The following C4orf51 variants were observed in gnomAD, a reference collection of about 807,000 sequenced individuals.
The protein encoded by C4orf51 is uncharacterized protein C4orf51.
C4orf51 carries 25 observed loss-of-function variants against 25.2 expected under a neutral mutation model. The observed-to-expected ratio is 0.99, with a 90% confidence interval of 0.72 to 1.39. The LOEUF is 1.39. Ranked by LOEUF, C4orf51 falls within the 40% of genes most tolerant of loss-of-function variation. The pLI is 0.00. For missense variants in C4orf51, 252 were observed against 239.6 expected (o/e 1.05, Z -0.34); for synonymous variants, 100 against 84.5 (o/e 1.18, Z -1.01).
the C4orf51 span, chr4:145,776,039 G>A: frequency 6.5e-7 from 1 of 1,529,182 alleles, no homozygotes; most frequent in Non-Finnish European, 9.0e-7. Context: ...ATCAGTTAAA[G>A]GTATCAAGGA....
downstream of C4orf51, chr4:145,774,774 A>G: frequency 7.8e-7 from 1 of 1,289,928 alleles, no homozygotes; most frequent in Non-Finnish European, 1.1e-6. Flanking sequence ...GAAAACTGGA[A>G]TTTGAAACAC....
At position 145,729,495 on chromosome 4, in the gene C4orf51, G is replaced by A. The variant is rs568470758; in HGVS notation, c.427+266G>A. Among the ~76,000 whole-genome samples, 256 of 151,960 alleles carry A rather than the reference G, an allele frequency of 1.7e-3. 3 individuals are homozygous for A. In the Middle Eastern group the frequency reaches 0.031, roughly 18 times the overall value. ...TTTTTGTATTTTTAGTAGAGACGGG[G>A]TTTCACCGTGTTAGCCAGGATGGTC... On this transcript the variant is annotated intron_variant, in intron 4 of 5. Coordinates refer to ENST00000438731, the MANE Select transcript of C4orf51 (RefSeq NM_001080531.3).
chr4:145,762,436 A>G lies in C4orf51; in HGVS notation n.167-8552A>G, dbSNP rs1424148066. On this transcript the variant is annotated intron_variant and non_coding_transcript_variant, in intron 1 of 1. Coordinates refer to the C4orf51 transcript ENST00000510096. The surrounding 1 kb of genome is among the most constrained non-coding windows in gnomAD (Gnocchi z 4.9). ...TAATCCAACTGGATTGGAAATTCTCAGAGGGCAGGACCATATCTTACATTT... is the reference window on the plus strand; with the variant it reads ...TAATCCAACTGGATTGGAAATTCTCGGAGGGCAGGACCATATCTTACATTT... 6.6e-6 allele frequency among the ~76,000 whole-genome samples: 1 copy of G among 152,228 alleles called. No individual in the cohort carries two copies. Among genetic ancestry groups the G allele is most frequent in the Admixed American group, 6.5e-5 (1 of 15,292 alleles).
the C4orf51 span, among the ~76,000 whole-genome samples, chr4:145,778,481 G>A: frequency 5.3e-5 from 8 of 151,952 alleles, no homozygotes; most frequent in African/African-American, 9.7e-5. Context: ...TAGTGGCAGC[G>A]TGCACCTGTA....
chr4:145,749,558 AT>A (rs1203226851), intron 1 of C4orf51, among the ~76,000 whole-genome samples: 3 of 150,202 alleles, frequency 2.0e-5, no homozygotes, highest in African/African-American at 7.4e-5. Flanking sequence ...CTTACTTTTT[AT>A]TTTTTGTGTA....
intron 2 of C4orf51, among the ~76,000 whole-genome samples, chr4:145,714,287 G>A (rs1731284259): frequency 3.9e-5 from 6 of 152,130 alleles, no homozygotes; most frequent in Admixed American, 3.9e-4. Flanking sequence ...TACATATATA[G>A]TAAAGAGGTT....
intron 1 of C4orf51, among the ~76,000 whole-genome samples, chr4:145,694,791 C>A (rs1386383591): frequency 6.6e-6 from 1 of 151,922 alleles, no homozygotes; most frequent in Non-Finnish European, 1.5e-5. Flanking sequence ...TTACTGTAAT[C>A]TTTCTTATCC....
chr4:145,747,706 T>TTTCCTTCC (rs1268546164), intron 1 of C4orf51, among the ~76,000 whole-genome samples: 1 of 128,188 alleles, frequency 7.8e-6, no homozygotes, highest in Non-Finnish European at 1.7e-5. Flanking sequence ...TCCTTCCTTC[T>TTTCCTTCC]TTCCTTCCTT....
downstream of C4orf51, among the ~76,000 whole-genome samples, chr4:145,773,156 G>A (rs1257532599): frequency 6.6e-6 from 1 of 152,108 alleles, no homozygotes; most frequent in Non-Finnish European, 1.5e-5. Flanking sequence ...AAAAGAGTTT[G>A]GCCTTTTCCT....
At chr4:145,680,492 C>A in intron 1 of C4orf51, 56 bp downstream of exon 1, 1 of 1,313,474 alleles carries the variant, frequency 7.6e-7, no homozygotes, top group Non-Finnish European at 1.1e-6. Context: ...GACAAGAGTG[C>A]TCTTAGAAGA....
chr4:145,696,708 T>G, intron 2 of C4orf51, 76 bp downstream of exon 2: 1 of 1,091,406 alleles, frequency 9.2e-7, no homozygotes, highest in Non-Finnish European at 1.4e-6. Context: ...TTCTTTTTTT[T>G]TCTCTCACTT....
At position 145,766,024 on chromosome 4, in the gene C4orf51, AC is replaced by A. The variant is rs1178132428; in HGVS notation, n.167-4962del. Reference sequence around the variant, plus strand: ...ATAGCTAAGACATACTAAACATGTTACCACGTTCCAGGAACTGTATTATACT... The same window carrying A: ...ATAGCTAAGACATACTAAACATGTTACACGTTCCAGGAACTGTATTATACT... On this transcript the variant is annotated intron_variant and non_coding_transcript_variant, in intron 1 of 1. Transcript: ENST00000510096. Among the ~76,000 whole-genome samples the A allele has an allele frequency of 5.9e-5, 9 of 152,354 alleles. No homozygotes were observed. The South Asian group carries it at 1.7e-3, about 28-fold the overall frequency.
At chr4:145,753,549 C>T (rs886287731) in intron 1 of C4orf51, among the ~76,000 whole-genome samples, 8 of 152,154 alleles carry the variant, frequency 5.3e-5, no homozygotes, top group Non-Finnish European at 8.8e-5. Context: ...GTTATGAGTG[C>T]ACCTACTCCT....
In C4orf51 at chr4:145,709,161, G is replaced by A. The variant is rs558339283; in HGVS notation, c.307+12529G>A. Among the ~76,000 whole-genome samples, 90 of 152,284 alleles carry A rather than the reference G, an allele frequency of 5.9e-4. 1 individual carries two copies. The highest frequency in any genetic ancestry group is 9.7e-4 in the Non-Finnish European group (66 of 68,016). ...ACCTCCAGAGAACTTGGGGCTTGGA[G>A]TAAGAACTCACAAATGGCAAAGGAA... On this transcript the variant is annotated intron_variant, in intron 2 of 5. Transcript: ENST00000438731.
chr4:145,726,893 C>T lies in C4orf51; in HGVS notation c.308-18C>T, dbSNP rs761909280. The stretch of plus-strand genomic sequence containing the variant: ...ACTCTGCATTTAATCCTGATTTTCC[C>T]TCTTCATGTGCATGCAGGACTATTC... On this transcript the variant is annotated intron_variant, in intron 2 of 5. Transcript: ENST00000438731. 7 of 1,603,156 alleles carry T rather than the reference C, an allele frequency of 4.4e-6. No individual in the cohort carries two copies. The highest frequency in any genetic ancestry group is 6.0e-6 in the Non-Finnish European group (7 of 1,171,348).
chr4:145,694,424 G>A (rs1221998948), intron 1 of C4orf51, among the ~76,000 whole-genome samples: 177 of 125,124 alleles, frequency 1.4e-3, no homozygotes, highest in Non-Finnish European at 2.1e-3. Context: ...GGTGAGGGGC[G>A]CCTCTGCCCG....
chr4:145,749,758 C>G (rs371643370), intron 1 of C4orf51, among the ~76,000 whole-genome samples: 1 of 152,014 alleles, frequency 6.6e-6, no homozygotes, highest in Non-Finnish European at 1.5e-5. Context: ...CTCAGCCTCC[C>G]GAGTAGCTGG....
chr4:145,735,106 T>C (rs1373078613), downstream of C4orf51, among the ~76,000 whole-genome samples: 1 of 152,116 alleles, frequency 6.6e-6, no homozygotes, highest in African/African-American at 2.4e-5. Context: ...AAAATTAGCA[T>C]GTATTGTAGT....
chr4:145,707,091 C>A (rs1730857877), intron 2 of C4orf51, among the ~76,000 whole-genome samples: 1 of 151,900 alleles, frequency 6.6e-6, no homozygotes, highest in South Asian at 2.1e-4. Context: ...TGCTGGGCCA[C>A]CAGGCATGAG....
Sources: allele counts gnomAD v4.1 joint callset (sites outside exome capture counted in the v4.1 genomes callset), GRCh38; gene constraint gnomAD v4.1.1; non-coding constraint Gnocchi (gnomAD v3.1); transcripts MANE v1.5; gene names NCBI Gene and HGNC (gene_info 2026-07-23, HGNC 2026-07-21).